The following PLEKHD1 variants were observed in gnomAD, a reference collection of about 807,000 sequenced individuals.
PLEKHD1 encodes pleckstrin homology and coiled-coil domain containing D1.
A neutral mutation model predicts 69.2 loss-of-function variants in PLEKHD1; 51 were observed. The ratio of observed to expected loss-of-function variants is 0.74; its 90% confidence interval spans 0.59 to 0.93. The LOEUF (loss-of-function observed/expected upper bound fraction) is 0.93, where lower values mean the gene tolerates loss of function less well. Among genes scored for constraint, PLEKHD1 ranks in the 40% least tolerant of loss-of-function variants. PLEKHD1 has a pLI of 0.00. For missense variants in PLEKHD1, 584 were observed against 641.0 expected (o/e 0.91, Z 0.96); for synonymous variants, 236 against 244.7 (o/e 0.96, Z 0.33).
upstream of PLEKHD1, among the ~76,000 whole-genome samples, chr14:69,480,946 C>T (rs970191923): frequency 2.0e-5 from 3 of 152,220 alleles, no homozygotes; most frequent in Non-Finnish European, 2.9e-5. Flanking sequence ...GGCCACCACG[C>T]GCAGCCTGAA....
At chr14:69,470,292 A>T in the PLEKHD1 span, among the ~76,000 whole-genome samples, 1 of 151,840 alleles carries the variant, frequency 6.6e-6, no homozygotes, top group South Asian at 2.1e-4. Flanking sequence ...GTGAAACCCC[A>T]TCTCTACTAA....
chr14:69,508,173 C>T (rs111739422), intron 6 of PLEKHD1, among the ~76,000 whole-genome samples: 3,581 of 152,226 alleles, frequency 0.024, 63 homozygotes, highest in Middle Eastern at 0.058. Flanking sequence ...CTTTGGGAAG[C>T]TGAGGCAGGC....
At chr14:69,524,351 C>T (rs1489668261) in intron 8 of PLEKHD1, 29 bp downstream of exon 8, 1 of 1,534,204 alleles carries the variant, frequency 6.5e-7, no homozygotes, top group East Asian at 2.4e-5. Context: ...GTTAGTTGAC[C>T]AGGTGGCAGG....
intron 9 of PLEKHD1, 134 bp from the exon 10 acceptor site, chr14:69,526,563 C>T (rs1373805757): frequency 1.2e-5 from 13 of 1,117,256 alleles, no homozygotes; most frequent in African/African-American, 1.6e-5. Flanking sequence ...GTGCCTGGAC[C>T]CACAAAGTTC....
At chr14:69,513,491 G>C (rs2139518877) in intron 6 of PLEKHD1, among the ~76,000 whole-genome samples, 1 of 152,322 alleles carries the variant, frequency 6.6e-6, no homozygotes, top group Admixed American at 6.5e-5. Flanking sequence ...ACATTCAGCA[G>C]TCTATGAGTG....
chr14:69,517,906 A>G (rs1417723650), intron 6 of PLEKHD1, among the ~76,000 whole-genome samples: 1 of 152,022 alleles, frequency 6.6e-6, no homozygotes, highest in Non-Finnish European at 1.5e-5. Flanking sequence ...CCTGCATATC[A>G]TGTATCTTGG....
chr14:69,484,134 G>C (rs1169040572), upstream of PLEKHD1, among the ~76,000 whole-genome samples: 1 of 152,212 alleles, frequency 6.6e-6, no homozygotes, highest in African/African-American at 2.4e-5. Context: ...ACCTGAGGGG[G>C]AAGGGTTGGG....
intron 8 of PLEKHD1, 85 bp downstream of exon 8, chr14:69,524,407 C>T (rs1046185783): frequency 3.5e-6 from 4 of 1,157,564 alleles, no homozygotes; most frequent in Non-Finnish European, 5.0e-6. Flanking sequence ...GCAGTGTTTC[C>T]CCAGGGGGTG....
intron 4 of PLEKHD1, 54 bp downstream of exon 4, chr14:69,501,001 G>A (rs971341708): frequency 9.8e-6 from 15 of 1,527,084 alleles, no homozygotes; most frequent in Middle Eastern, 1.7e-4. Flanking sequence ...GGGTGGGCGG[G>A]GCTGCCCCTG....
At chr14:69,486,137 G>A (rs1463218118) in intron 1 of PLEKHD1, among the ~76,000 whole-genome samples, 1 of 152,178 alleles carries the variant, frequency 6.6e-6, no homozygotes, top group Non-Finnish European at 1.5e-5. Flanking sequence ...AGGAAACCAG[G>A]GGTATCCAGA....
intron 3 of PLEKHD1, 71 bp from the exon 4 acceptor site, chr14:69,500,800 G>A (rs1297565573): frequency 3.9e-6 from 6 of 1,536,322 alleles, no homozygotes; most frequent in Non-Finnish European, 5.3e-6. Context: ...GGGTGACAGG[G>A]CAGAGCTGGG....
intron 1 of PLEKHD1, among the ~76,000 whole-genome samples, chr14:69,495,173 CGAG>C (rs1408861979): frequency 1.3e-5 from 2 of 152,188 alleles, no homozygotes; most frequent in African/African-American, 4.8e-5. Context: ...TTCAGAAGCA[CGAG>C]GAGAAGAAGG....
At chr14:69,499,553 A>T (rs544781538) in intron 1 of PLEKHD1, among the ~76,000 whole-genome samples, 1 of 152,308 alleles carries the variant, frequency 6.6e-6, no homozygotes, top group South Asian at 2.1e-4. Flanking sequence ...CAGAGCCCTC[A>T]GTTAGACCTG....
intron 10 of PLEKHD1, 127 bp downstream of exon 10, chr14:69,526,956 G>A (rs1053561460): frequency 7.4e-7 from 1 of 1,359,368 alleles, no homozygotes; most frequent in Admixed American, 2.9e-5. Flanking sequence ...AGGCATGGGG[G>A]ATGGAGCCAC....
chr14:69,484,148 A>C (rs12436172), upstream of PLEKHD1, among the ~76,000 whole-genome samples: 86,355 of 152,106 alleles, frequency 0.57, 25,350 homozygotes, highest in African/African-American at 0.72. Context: ...GGTTGGGGGG[A>C]ACCCAATCTT....
At position 69,494,299 on chromosome 14, in the gene PLEKHD1, T is replaced by C. The variant is rs372960612; in HGVS notation, c.150-5816T>C. 7.8e-4 allele frequency among the ~76,000 whole-genome samples: 119 copies of C among 152,284 alleles called. 1 individual carries two copies. The East Asian group carries it at 0.012, about 16-fold the overall frequency. On this transcript the variant is annotated intron_variant, in intron 1 of 12. Coordinates refer to ENST00000322564, the MANE Select transcript of PLEKHD1 (RefSeq NM_001161498.2). The stretch of plus-strand genomic sequence containing the variant: ...CCTTAGGTAACTTGCCCCAGTCACA[T>C]TGCCAGTCAGTGGCAGAGCTCTAAC...
chr14:69,526,944 C>A, intron 10 of PLEKHD1, 115 bp downstream of exon 10: 1 of 1,390,244 alleles, frequency 7.2e-7, no homozygotes, highest in Non-Finnish European at 9.5e-7. Context: ...GACCAGACAG[C>A]CAGGCATGGG....
In PLEKHD1 at chr14:69,500,659, ACTTCCATGTGAGTAAAGCT is replaced by A. The variant is rs1246272175; in HGVS notation, c.332_333+17del. On this transcript the variant is annotated splice_donor_variant and splice_donor_5th_base_variant and coding_sequence_variant and intron_variant, in exon 3 of 13. Transcript: ENST00000322564. LOFTEE classifies it high-confidence loss of function. ...TATGCCATGAAGATCTCCCACCAGGACTTCCATGTGAGTAAAGCTCTTCCCTCAGCCTGGGCTCCGCAGG... is the reference window on the plus strand; with the variant it reads ...TATGCCATGAAGATCTCCCACCAGGACTTCCCTCAGCCTGGGCTCCGCAGG... 6 of 1,551,222 alleles carry A rather than the reference ACTTCCATGTGAGTAAAGCT, an allele frequency of 3.9e-6. No homozygotes were observed. Among genetic ancestry groups the A allele is most frequent in the Admixed American group, 2.0e-5 (1 of 50,948 alleles).
chr14:69,523,670 C>A (rs1231077607), intron 7 of PLEKHD1, among the ~76,000 whole-genome samples: 2 of 152,126 alleles, frequency 1.3e-5, no homozygotes, highest in Non-Finnish European at 2.9e-5. Flanking sequence ...GAGACACATG[C>A]ATGATGCTTG....
Sources: gnomAD v4.1 joint callset for allele counts (sites outside exome capture counted in the v4.1 genomes callset) on GRCh38, gnomAD v4.1.1 for gene constraint, MANE v1.5 for transcripts, NCBI Gene and HGNC (gene_info 2026-07-23, HGNC 2026-07-21) for gene names.